Variants in SLC5A5 observed in about 807,000 individuals in gnomAD.
SLC5A5 encodes sodium/iodide cotransporter.
SLC5A5 carries 56 observed loss-of-function variants against 68.6 expected under a neutral mutation model. The observed-to-expected ratio is 0.82, with a 90% CI of 0.66 to 1.02. The LOEUF (loss-of-function observed/expected upper bound fraction) is 1.02. SLC5A5 is among the 50% of genes least tolerant of loss of function. The pLI, the probability that SLC5A5 is intolerant of heterozygous loss-of-function variation, is 0.00. For synonymous variants in SLC5A5, 398 were observed against 373.0 expected (o/e 1.07, Z -0.77); for missense variants, 807 against 859.8 (o/e 0.94, Z 0.77).
At position 17,888,588 on chromosome 19, in the gene SLC5A5, C is replaced by CTTATTATTATTA. The variant is rs10651875; in HGVS notation, c.1651+153_1651+164dup. Reference sequence around the variant, plus strand: ...CACTGTGTGCTGTACACATTTGTACCTTATTATTATTATTATTATTATTAT... The same window carrying CTTATTATTATTA: ...CACTGTGTGCTGTACACATTTGTACCTTATTATTATTATTATTATTATTATTATTATTATTAT... On this transcript the variant is annotated intron_variant, in intron 13 of 14. Coordinates refer to ENST00000222248, the MANE Select transcript of SLC5A5 (RefSeq NM_000453.3). 457 of 469,464 alleles carry CTTATTATTATTA rather than the reference C, an allele frequency of 9.7e-4. 3 individuals are homozygous for CTTATTATTATTA. Among genetic ancestry groups the CTTATTATTATTA allele is most frequent in the African/African-American group, 1.7e-3 (63 of 38,148 alleles). 29.1% of individuals were successfully genotyped at this position (469,464 alleles called of 1,614,324 possible). A position where few individuals can be genotyped will look rare whatever the true frequency, so the allele number is the denominator to read the frequency against.
chr19:17,890,607 G>C (rs2030128403), intron 13 of SLC5A5, among the ~76,000 whole-genome samples: 2 of 152,084 alleles, frequency 1.3e-5, no homozygotes, highest in Non-Finnish European at 2.9e-5. Context: ...GCCTAGGCTG[G>C]TCTCCAACTA....
At chr19:17,888,841 G>A (rs1008277596) in intron 13 of SLC5A5, among the ~76,000 whole-genome samples, 1 of 150,970 alleles carries the variant, frequency 6.6e-6, no homozygotes, top group Admixed American at 6.6e-5. Flanking sequence ...CATGTGTCTC[G>A]AACTCCTGGG....
intron 1 of SLC5A5, among the ~76,000 whole-genome samples, chr19:17,873,459 G>A (rs1240764619): frequency 7.4e-6 from 1 of 135,184 alleles, no homozygotes; most frequent in Non-Finnish European, 1.6e-5. Context: ...TTGTCTCAAA[G>A]GAAAAAAAAA....
Position 17,888,344 on chromosome 19 carries a change from G to T in SLC5A5, c.1540G>T (p.Ala514Ser), listed in dbSNP as rs781537105. 6.2e-7 allele frequency: 1 copy of T among 1,613,808 alleles called. No homozygotes were observed. Among genetic ancestry groups the T allele is most frequent in the South Asian group, 1.1e-5 (1 of 91,082 alleles). ...SSRAPSSGMDASRPALADSFY... is the reference protein window; with the variant it reads ...SSRAPSSGMDSSRPALADSFY... ...CCCAACCTGCAGCTCAGGAATGGACGCCAGCCGACCCGCCTTAGCTGACAG... is the reference window on the plus strand; with the variant it reads ...CCCAACCTGCAGCTCAGGAATGGACTCCAGCCGACCCGCCTTAGCTGACAG... The change falls in exon 13 of 15, where the codon GCC becomes TCC. Residue 514 changes from alanine to serine, a missense_variant. Coordinates refer to ENST00000222248, the MANE Select transcript of SLC5A5 (RefSeq NM_000453.3).
At position 17,880,954 on chromosome 19, in the gene SLC5A5, G is replaced by A. The variant is rs1440920591; in HGVS notation, c.1058+1G>A. 6.2e-7 allele frequency: 1 copy of A among 1,611,124 alleles called. No individual in the cohort carries two copies. The highest frequency in any genetic ancestry group is 2.2e-5 in the East Asian group (1 of 44,852). ...CCTGTGCTTACAGTGGCACCCTCAG[G>A]TGAGCACCCCTGCTTGTTCATGGAG... On this transcript the variant is annotated splice_donor_variant, in intron 8 of 14. Coordinates refer to ENST00000222248, the MANE Select transcript of SLC5A5 (RefSeq NM_000453.3). LOFTEE classifies it high-confidence loss of function.
chr19:17,876,735 G>A lies in SLC5A5; in HGVS notation c.698+629G>A, dbSNP rs375965362. ...AAATTAGCTGGGCATGCTGGCAGGC[G>A]CCTGTAATCCCAGCTACTCAGGAGG... is the stretch of plus-strand genomic sequence containing the variant. On this transcript the variant is annotated intron_variant, in intron 5 of 14. Transcript: ENST00000222248. Among the ~76,000 whole-genome samples, 26 of 152,208 alleles carry A rather than the reference G, an allele frequency of 1.7e-4. No homozygotes were observed. In the East Asian group the frequency reaches 2.7e-3, roughly 16 times the overall value.
intron 3 of SLC5A5, 34 bp from the exon 4 acceptor site, chr19:17,874,630 C>T: frequency 6.2e-7 from 1 of 1,613,710 alleles, no homozygotes. Flanking sequence ...GCGCCCCGCC[C>T]AGGGGCCTAA....
Position 17,877,823 on chromosome 19 carries a change from C to G in SLC5A5, c.799C>G (p.Gln267Glu), listed in dbSNP as rs121909176. The G allele has an allele frequency of 3.5e-5, 57 of 1,614,088 alleles. No homozygotes were observed. The highest frequency in any genetic ancestry group is 1.8e-4 in the Admixed American group (11 of 59,992). Residue 267 changes from glutamine to glutamate, a missense_variant, in exon 6 of 15, where the codon CAG becomes GAG. Gln to Glu is a conservative substitution (Grantham distance 29, BLOSUM62 2). Transcript: ENST00000222248. ...GTATGGCGTGAACCAGGCGCAGGTGCAGCGCTACGTGGCTTGCCGCACAGA... is the reference window on the plus strand; with the variant it reads ...GTATGGCGTGAACCAGGCGCAGGTGGAGCGCTACGTGGCTTGCCGCACAGA... The part of the protein sequence containing the change: ...SMYGVNQAQV[Q>E]RYVACRTEKQ...
rs919069458 is a variant in SLC5A5 at position 17,881,945 on chromosome 19, G to A, written c.1059-15G>A. On this transcript the variant is annotated splice_polypyrimidine_tract_variant and intron_variant, in intron 8 of 14. Transcript: ENST00000222248. ...CCATATGGCCTGAGGACCCCCCGCT[G>A]CCTTCCTCACACAGCACAGCATCCA... 30 of 1,604,836 alleles carry A rather than the reference G, an allele frequency of 1.9e-5. No individual in the cohort carries two copies. The highest frequency in any genetic ancestry group is 2.6e-5 in the Non-Finnish European group (30 of 1,172,038).
At chr19:17,874,637 C>A in intron 3 of SLC5A5, 27 bp from the exon 4 acceptor site, 3 of 1,613,610 alleles carry the variant, frequency 1.9e-6, no homozygotes, top group Non-Finnish European at 2.5e-6. Context: ...GCCCAGGGGC[C>A]TAACAGGGGG....
intron 13 of SLC5A5, 96 bp downstream of exon 13, chr19:17,888,551 T>G (rs1316353563): frequency 8.5e-7 from 1 of 1,175,560 alleles, no homozygotes. Flanking sequence ...ACGCTCCCAT[T>G]GGCCAAACTG....
In SLC5A5 at chr19:17,874,176, C is replaced by T. The variant is rs1395476049; in HGVS notation, c.396C>T (p.Cys132=). Residue 132 remains cysteine (C), a synonymous_variant, in exon 2 of 15, where the codon TGC becomes TGT. Coordinates refer to ENST00000222248, the MANE Select transcript of SLC5A5 (RefSeq NM_000453.3). ...GCTTCAGCCGCGCAGTGCGGCTCTG[C>T]GGGACTTTGCAGTACATTGTAGCCA... is the stretch of plus-strand genomic sequence containing the variant. ...EMRFSRAVRL[C]GTLQYIVATM... 2 of 1,612,048 alleles carry T rather than the reference C, an allele frequency of 1.2e-6. No individual in the cohort carries two copies. The highest frequency in any genetic ancestry group is 1.7e-6 in the Non-Finnish European group (2 of 1,178,644).
At chr19:17,886,369 G>A (rs1198250808) in intron 12 of SLC5A5, among the ~76,000 whole-genome samples, 1 of 148,114 alleles carries the variant, frequency 6.8e-6, no homozygotes, top group Non-Finnish European at 1.5e-5. Flanking sequence ...GTGCAGTGGT[G>A]TGATCTCCAC....
chr19:17,890,335 G>T (rs2030115585), intron 13 of SLC5A5, among the ~76,000 whole-genome samples: 5 of 152,178 alleles, frequency 3.3e-5, no homozygotes, highest in Admixed American at 3.3e-4. Flanking sequence ...CTTCCAAAGT[G>T]CTGGGACTAC....
At chr19:17,877,889 G>C (rs1252165190) in intron 6 of SLC5A5, 26 bp downstream of exon 6, 5 of 1,613,820 alleles carry the variant, frequency 3.1e-6, no homozygotes, top group Non-Finnish European at 4.2e-6. Context: ...AGCAAGGTCG[G>C]GGTTTCTGGG....
intron 13 of SLC5A5, among the ~76,000 whole-genome samples, chr19:17,889,441 G>GGAAGGAAGGAAGGAAGGAAGGAAA (rs1472885633): frequency 1.4e-5 from 2 of 146,194 alleles, no homozygotes; most frequent in Admixed American, 6.9e-5. Flanking sequence ...AAGGAAGGAA[G>GGAAGGAAGGAAGGAAGGAAGGAAA]GAAAGAGAAA....
In SLC5A5 at chr19:17,872,247, C is replaced by T. The variant is rs1335211443; in HGVS notation, c.-73C>T. 3.8e-6 allele frequency: 3 copies of T among 782,932 alleles called. No homozygotes were observed. Among genetic ancestry groups the T allele is most frequent in the Non-Finnish European group, 6.2e-6 (3 of 485,696 alleles). The allele number at this position is 782,932 out of a possible 1,614,324, so 48.5% of individuals were successfully genotyped here. On this transcript the variant is annotated 5_prime_UTR_variant, in exon 1 of 15. Transcript: ENST00000222248. ...ACCCGCCCTCCCCGTCCTGCCTCCT[C>T]GGCCCCTGCCAGCTTCCCCCGCTTG... is the stretch of plus-strand genomic sequence containing the variant.
At chr19:17,876,547 G>A (rs553419690) in intron 5 of SLC5A5, among the ~76,000 whole-genome samples, 90 of 151,884 alleles carry the variant, frequency 5.9e-4, no homozygotes, top group Non-Finnish European at 8.7e-4. Context: ...GACCGACATC[G>A]AGAAACCCCA....
chr19:17,874,567 G>A, intron 3 of SLC5A5, 22 bp downstream of exon 3: 1 of 1,613,660 alleles, frequency 6.2e-7, no homozygotes, highest in South Asian at 1.1e-5. Flanking sequence ...GGAGATTAGG[G>A]AAGCATGTCT....
Sources: gnomAD v4.1 joint callset for allele counts (sites outside exome capture counted in the v4.1 genomes callset) on GRCh38, gnomAD v4.1.1 for gene constraint, MANE v1.5 for transcripts, NCBI Gene and HGNC (gene_info 2026-07-23, HGNC 2026-07-21) for gene names.